Variants in CLNS1A observed in about 807,000 individuals in gnomAD.
CLNS1A encodes the protein chloride nucleotide-sensitive channel 1A.
A neutral mutation model predicts 29.4 loss-of-function variants in CLNS1A; 16 were observed. That is an observed-to-expected ratio of 0.54 (90% CI 0.37 to 0.83). CLNS1A has a LOEUF of 0.83. Ranked by LOEUF, CLNS1A falls within the 40% of genes least tolerant of loss-of-function variation. The pLI is 0.00. For missense variants in CLNS1A, 235 were observed against 287.4 expected, an observed-to-expected ratio of 0.82 and a Z score of 1.32; for synonymous variants, 96 against 104.8, an observed-to-expected ratio of 0.92 and a Z score of 0.51.
rs370116864 is a variant in CLNS1A at position 77,624,906 on chromosome 11, G to A, written c.472+57C>T. 113 of 1,087,676 alleles carry A rather than the reference G, an allele frequency of 1.0e-4. 2 individuals are homozygous for A. In the African/African-American group the frequency reaches 1.6e-3, roughly 16 times the overall value. 67.4% of individuals were successfully genotyped at this position (1,087,676 alleles called of 1,614,324 possible). On this transcript the variant is annotated intron_variant, in intron 4 of 6. Transcript: ENST00000525428. ...TCCTCTACCCTTAATACAAATAAATGCTTAAAATGAAACACTAAACAAACA... is the reference window on the plus strand; with the variant it reads ...TCCTCTACCCTTAATACAAATAAATACTTAAAATGAAACACTAAACAAACA...
Position 77,614,734 on chromosome 11 carries a change from C to T in CLNS1A, c.*1984G>A, listed in dbSNP as rs1958894307. On this transcript the variant is annotated 3_prime_UTR_variant, in exon 7 of 7. Transcript: ENST00000525428. ...CTAGCTTTTAGGAACATTTAGATGA[C>T]TTACATTTTGGAGGGGAAATGTCTA... 6.6e-6 allele frequency: 1 copy of T among 152,194 alleles called. No homozygotes were observed. Among genetic ancestry groups the T allele is most frequent in the Non-Finnish European group, 1.5e-5 (1 of 68,028 alleles). 9.4% of individuals were successfully genotyped at this position (152,194 alleles called of 1,614,324 possible).
At position 77,622,679 on chromosome 11, in the gene CLNS1A, C is replaced by G. The variant is rs765299144; in HGVS notation, c.473-6G>C. On this transcript the variant is annotated splice_region_variant and splice_polypyrimidine_tract_variant and intron_variant, in intron 4 of 6. Coordinates refer to ENST00000525428, the MANE Select transcript of CLNS1A (RefSeq NM_001293.3). ...GATGTCCCCCTGTCCTTGTTCTAAA[C>G]AAACAGAAAACTTTAAAGTTTAAAT... 3 of 1,558,096 alleles carry G rather than the reference C, an allele frequency of 1.9e-6. No individual in the cohort carries two copies. Among genetic ancestry groups the G allele is most frequent in the South Asian group, 2.4e-5 (2 of 82,442 alleles).
In CLNS1A at chr11:77,616,560, A is replaced by T. The variant is rs1037621953; in HGVS notation, c.*158T>A. ...ATATTATCTATCTTCTGCTGGTGAC[A>T]ACTTGTTGTCTCAGTATAGTCTGTC... On this transcript the variant is annotated 3_prime_UTR_variant, in exon 7 of 7. Transcript: ENST00000525428. 6.6e-6 allele frequency: 1 copy of T among 152,640 alleles called. No individual in the cohort carries two copies. The highest frequency in any genetic ancestry group is 2.4e-5 in the African/African-American group (1 of 41,450). 9.5% of individuals were successfully genotyped at this position (152,640 alleles called of 1,614,324 possible).
intron 5 of CLNS1A, among the ~76,000 whole-genome samples, chr11:77,621,294 AAC>A (rs71854653): frequency 0.53 from 78,957 of 149,274 alleles, 20,779 homozygotes; most frequent in East Asian, 0.67. Context: ...CTCTGTCTCA[AAC>A]ACACACACAC....
chr11:77,617,613 T>G (rs1296681374), intron 6 of CLNS1A, among the ~76,000 whole-genome samples: 12 of 151,120 alleles, frequency 7.9e-5, no homozygotes, highest in Non-Finnish European at 1.8e-4. Flanking sequence ...TGTATAAACA[T>G]TATACATAAT....
rs1958900883 is a variant in CLNS1A, at chr11:77,615,695, A to G, written c.*1023T>C. On this transcript the variant is annotated 3_prime_UTR_variant, in exon 7 of 7. Coordinates refer to ENST00000525428, the MANE Select transcript of CLNS1A (RefSeq NM_001293.3). ...TTTTTTTCAGTCTACCTTGCAAGAT[A>G]AGGGAAACCAAGTGACAGTGCTGAA... 1 of 152,202 alleles carries G rather than the reference A, an allele frequency of 6.6e-6. No homozygotes were observed. The highest frequency in any genetic ancestry group is 2.1e-4 in the South Asian group (1 of 4,818). The allele number at this position is 152,202 out of a possible 1,614,324, so 9.4% of individuals were successfully genotyped here.
In CLNS1A at chr11:77,614,940, T is replaced by C. The variant is rs1246220583; in HGVS notation, c.*1778A>G. The C allele has an allele frequency of 6.6e-6, 1 of 152,234 alleles. No individual in the cohort carries two copies. Among genetic ancestry groups the C allele is most frequent in the African/African-American group, 2.4e-5 (1 of 41,458 alleles). 9.4% of individuals were successfully genotyped at this position (152,234 alleles called of 1,614,324 possible). A position where few individuals can be genotyped will look rare whatever the true frequency, so the allele number is the denominator to read the frequency against. On this transcript the variant is annotated 3_prime_UTR_variant, in exon 7 of 7. Coordinates refer to ENST00000525428, the MANE Select transcript of CLNS1A (RefSeq NM_001293.3). ...ATTTTCTCAATGCTACGGTTCTAACTATCTAGTGAATGTTACAGCTCAATC... is the reference window on the plus strand; with the variant it reads ...ATTTTCTCAATGCTACGGTTCTAACCATCTAGTGAATGTTACAGCTCAATC...
At chr11:77,628,259 C>A (rs1200194549) in intron 2 of CLNS1A, among the ~76,000 whole-genome samples, 11 of 152,198 alleles carry the variant, frequency 7.2e-5, no homozygotes, top group Non-Finnish European at 1.3e-4. Flanking sequence ...CATTTCACAC[C>A]AGCATCTGGA....
intron 5 of CLNS1A, among the ~76,000 whole-genome samples, chr11:77,621,160 A>G (rs1214885228): frequency 6.6e-6 from 1 of 151,870 alleles, no homozygotes; most frequent in Non-Finnish European, 1.5e-5. Context: ...GCTGGGCACG[A>G]TAGTAGTGGG....
At chr11:77,632,034 G>A (rs1256027039) in intron 1 of CLNS1A, among the ~76,000 whole-genome samples, 1 of 152,182 alleles carries the variant, frequency 6.6e-6, no homozygotes, top group East Asian at 1.9e-4. Context: ...ACTGCGCCTG[G>A]CCTAAAAGTG....
intron 6 of CLNS1A, 29 bp downstream of exon 6, chr11:77,619,577 A>G: frequency 7.7e-7 from 1 of 1,297,334 alleles, no homozygotes; most frequent in Non-Finnish European, 1.1e-6. Flanking sequence ...TTTCATGATC[A>G]GCGACAAGGG....
At chr11:77,629,645 C>G in intron 2 of CLNS1A, 118 bp downstream of exon 2, 1 of 877,034 alleles carries the variant, frequency 1.1e-6, no homozygotes, top group Non-Finnish European at 1.7e-6. Flanking sequence ...CCGCCCGCCT[C>G]GGCCTCCCAG....
rs780128165 is a variant in CLNS1A at position 77,622,494 on chromosome 11, A to C, written c.646+6T>G. 1.3e-6 allele frequency: 2 copies of C among 1,578,982 alleles called. No homozygotes were observed. The highest frequency in any genetic ancestry group is 1.7e-6 in the Non-Finnish European group (2 of 1,165,672). ...CTGACTGTTCACACTGCAAAAGGAC[A>C]CTCACCTTCATAATCTCTTATTGAA... On this transcript the variant is annotated splice_donor_region_variant and intron_variant, in intron 5 of 6. Coordinates refer to ENST00000525428, the MANE Select transcript of CLNS1A (RefSeq NM_001293.3).
chr11:77,635,513 G>A (rs1050754970), intron 1 of CLNS1A, among the ~76,000 whole-genome samples: 7 of 151,880 alleles, frequency 4.6e-5, no homozygotes, highest in African/African-American at 7.3e-5. Context: ...CACCACACCC[G>A]GATAATTTTT....
intron 4 of CLNS1A, among the ~76,000 whole-genome samples, 156 bp downstream of exon 4, chr11:77,624,807 G>A (rs767280872): frequency 2.6e-5 from 4 of 151,208 alleles, no homozygotes; most frequent in African/African-American, 4.9e-5. Flanking sequence ...CAACAAAAGC[G>A]AAAACTCCAT....
intron 5 of CLNS1A, among the ~76,000 whole-genome samples, chr11:77,621,576 G>C (rs1360262194): frequency 6.6e-6 from 1 of 152,178 alleles, no homozygotes; most frequent in Non-Finnish European, 1.5e-5. Context: ...CCAGGAGGCG[G>C]AGGTTGTAGT....
intron 5 of CLNS1A, 64 bp from the exon 6 acceptor site, chr11:77,619,759 A>G: frequency 8.8e-7 from 1 of 1,139,688 alleles, no homozygotes. Flanking sequence ...GATTCAACTT[A>G]TAACTTCTAC....
rs1450229348 is a variant in CLNS1A at position 77,622,576 on chromosome 11, T to C, written c.570A>G (p.Gly190=). 6 of 1,613,772 alleles carry C rather than the reference T, an allele frequency of 3.7e-6. No individual in the cohort carries two copies. The highest frequency in any genetic ancestry group is 5.1e-6 in the Non-Finnish European group (6 of 1,179,848). Residue 190 remains glycine, a synonymous_variant, in exon 5 of 7, where the codon GGA becomes GGG. Coordinates refer to ENST00000525428, the MANE Select transcript of CLNS1A (RefSeq NM_001293.3). ...EGQATLERLE[G]MLSQSVSSQY... ...GGCTGCTCACAGACTGAGAAAGCAT[T>C]CCTTCTAATCTCTCCAGTGTGGCTT...
intron 5 of CLNS1A, among the ~76,000 whole-genome samples, chr11:77,620,975 C>A (rs1199218901): frequency 6.6e-6 from 1 of 151,788 alleles, no homozygotes; most frequent in African/African-American, 2.4e-5. Context: ...GAGTGAGACT[C>A]CGTCTTAAAT....
Sources: allele counts gnomAD v4.1 joint callset (sites outside exome capture counted in the v4.1 genomes callset), GRCh38; gene constraint gnomAD v4.1.1; transcripts MANE v1.5; gene names NCBI Gene and HGNC (gene_info 2026-07-23, HGNC 2026-07-21).